LAMA1: variants seen among roughly 807,000 people sequenced by gnomAD.
LAMA1 encodes laminin subunit alpha-1.
Under a neutral mutation model 348.7 loss-of-function variants are expected in LAMA1, and 219 were observed. The ratio of observed to expected loss-of-function variants is 0.63; its 90% CI spans 0.56 to 0.70. LAMA1 has a LOEUF of 0.70. LAMA1 is among the 30% of genes least tolerant of loss of function. LAMA1 has a pLI of 0.00. For missense variants in LAMA1, 3,744 were observed against 3,888.0 expected, an observed-to-expected ratio of 0.96 and a Z score of 0.99; for synonymous variants, 1,487 against 1,491.0, an observed-to-expected ratio of 1.00 and a Z score of 0.06.
intron 37 of LAMA1, 116 bp downstream of exon 37, chr18:6,986,021 G>C (rs1040360140): frequency 1.7e-5 from 19 of 1,133,602 alleles, no homozygotes; most frequent in Non-Finnish European, 2.5e-5. Context: ...GCCTCCCAAA[G>C]TGCTGGGATT....
chr18:7,085,494 C>T (rs2058211985), intron 1 of LAMA1, among the ~76,000 whole-genome samples: 1 of 144,592 alleles, frequency 6.9e-6, no homozygotes, highest in Admixed American at 7.3e-5. Flanking sequence ...TCTCCGCTCA[C>T]TGCAAGCTCC....
intron 1 of LAMA1, among the ~76,000 whole-genome samples, chr18:7,105,205 G>A (rs538546726): frequency 9.2e-5 from 14 of 152,080 alleles, no homozygotes; most frequent in Non-Finnish European, 2.1e-4. Flanking sequence ...TCAAGAGGCC[G>A]AGGCAGGTGG....
At chr18:7,014,643 TAA>T (rs557372322) in intron 22 of LAMA1, among the ~76,000 whole-genome samples, 20 of 134,436 alleles carry the variant, frequency 1.5e-4, no homozygotes, top group Admixed American at 1.5e-4. Flanking sequence ...CTGTCTCAAT[TAA>T]AAAAAAAAAA....
Position 7,036,029 on chromosome 18 carries a change from C to T in LAMA1, c.1797G>A (p.Thr599=), listed in dbSNP as rs143137367. 101 of 1,614,194 alleles carry T rather than the reference C, an allele frequency of 6.3e-5. 1 individual carries two copies. In the African/African-American group the frequency reaches 9.5e-4, roughly 15 times the overall value. The change falls in exon 13 of 63, where the codon ACG becomes ACA. Residue 599 remains threonine (T), a synonymous_variant. Coordinates refer to ENST00000389658, the MANE Select transcript of LAMA1 (RefSeq NM_005559.4). ...CATGCGACATGAGGTTACTGTCTAC[C>T]GTCTCTACCGGAATATCGTAGGACA... is the stretch of plus-strand genomic sequence containing the variant. ...YTVSYDIPVE[T]VDSNLMSHAD...
intron 15 of LAMA1, among the ~76,000 whole-genome samples, chr18:7,032,391 C>A (rs2057974280): frequency 6.6e-6 from 1 of 152,146 alleles, no homozygotes; most frequent in African/African-American, 2.4e-5. Flanking sequence ...TTCCTTATTT[C>A]TTTTTAAAGG....
intron 22 of LAMA1, among the ~76,000 whole-genome samples, chr18:7,014,759 A>C (rs577860827): frequency 6.6e-6 from 1 of 152,342 alleles, no homozygotes; most frequent in Non-Finnish European, 1.5e-5. Flanking sequence ...TAAACCCCCA[A>C]TAAAGTGATT....
chr18:7,045,758 C>T (rs1290989975), intron 6 of LAMA1, among the ~76,000 whole-genome samples: 1 of 151,910 alleles, frequency 6.6e-6, no homozygotes, highest in Non-Finnish European at 1.5e-5. Context: ...GGGGTTTTGC[C>T]ATGTTGGCCA....
chr18:7,004,781 A>C (rs1216147153), intron 29 of LAMA1, among the ~76,000 whole-genome samples: 2 of 152,212 alleles, frequency 1.3e-5, no homozygotes, highest in Non-Finnish European at 2.9e-5. Flanking sequence ...TTAGGAGATT[A>C]TGTTGAAGGG....
chr18:7,024,743 C>G (rs1218243098), intron 17 of LAMA1, among the ~76,000 whole-genome samples: 1 of 152,200 alleles, frequency 6.6e-6, no homozygotes, highest in Non-Finnish European at 1.5e-5. Context: ...CTCTCGCTGT[C>G]TGCCTGGGTT....
At position 7,050,935 on chromosome 18, in the gene LAMA1, A is replaced by C. The variant is rs946418722; in HGVS notation, c.347T>G (p.Val116Gly). Residue 116 changes from valine (V) to glycine (G), a missense_variant and splice_region_variant, in exon 4 of 63, where the codon GTC becomes GGC. By Grantham distance (109) the Val-to-Gly change is moderately radical. This residue lies in a region of LAMA1 where 1,529 missense variants were observed against 1,689.4 expected (regional missense o/e 0.91). Coordinates refer to ENST00000389658, the MANE Select transcript of LAMA1 (RefSeq NM_005559.4). ...WVTITLDLRQ[V>G]FQVAYVIIKA... ...AATGATGACATATGCAACTTGAAAG[A>C]CCTGAAACAAAGACACTGAAAAGTC... 1 of 1,614,096 alleles carries C rather than the reference A, an allele frequency of 6.2e-7. No individual in the cohort carries two copies. The highest frequency in any genetic ancestry group is 8.5e-7 in the Non-Finnish European group (1 of 1,179,996).
rs778967550 is a variant in LAMA1 at position 7,013,880 on chromosome 18, C to A, written c.3298G>T (p.Asp1100Tyr). ...CDCDLRGTSGDACNLEQGLCG... is the reference protein window; with the variant it reads ...CDCDLRGTSGYACNLEQGLCG... ...AGACCCTGCTCCAGGTTGCAGGCGT[C>A]CCCCGACGTCCCCCTCAGGTCACAG... The change falls in exon 23 of 63, where the codon GAC (aspartate) becomes TAC (tyrosine). Residue 1100 changes from aspartate (D) to tyrosine (Y), a missense_variant. Physicochemically the swap from Asp to Tyr is radical, Grantham distance 160. Around this residue, in one of 3 missense-constraint regions of LAMA1, gnomAD observed 1,529 missense variants for 1,689.4 expected, o/e 0.91. Coordinates refer to ENST00000389658, the MANE Select transcript of LAMA1 (RefSeq NM_005559.4). The A allele has an allele frequency of 1.9e-6, 3 of 1,612,324 alleles. No individual in the cohort carries two copies. The highest frequency in any genetic ancestry group is 2.5e-6 in the Non-Finnish European group (3 of 1,179,102).
intron 1 of LAMA1, among the ~76,000 whole-genome samples, chr18:7,089,332 T>C (rs894679113): frequency 1.3e-5 from 2 of 148,620 alleles, no homozygotes; most frequent in African/African-American, 5.0e-5. Flanking sequence ...TGAGCCAAGA[T>C]CGTGCCACTG....
intron 61 of LAMA1, 140 bp downstream of exon 61, chr18:6,947,016 TGTAGCAA>T: frequency 9.4e-7 from 1 of 1,060,148 alleles, no homozygotes; most frequent in African/African-American, 1.6e-5. Context: ...AAGGTTTTCT[TGTAGCAA>T]TATCTGTTTT....
chr18:7,017,089 G>A (rs1182817543), intron 20 of LAMA1, among the ~76,000 whole-genome samples, 189 bp downstream of exon 20: 2 of 152,116 alleles, frequency 1.3e-5, no homozygotes, highest in Admixed American at 6.6e-5. Flanking sequence ...GTTTCCTGAG[G>A]CCTCCCCAAC....
At chr18:6,968,857 A>G (rs2057645612) in intron 48 of LAMA1, among the ~76,000 whole-genome samples, 1 of 152,252 alleles carries the variant, frequency 6.6e-6, no homozygotes, top group Admixed American at 6.5e-5. Flanking sequence ...AAAAATTTAG[A>G]GGACATCGAT....
intron 19 of LAMA1, among the ~76,000 whole-genome samples, chr18:7,022,905 A>T (rs1269076496): frequency 1.3e-5 from 2 of 152,134 alleles, no homozygotes; most frequent in Non-Finnish European, 2.9e-5. Context: ...GTCAAGTCAC[A>T]CTGGCCGCTC....
At chr18:7,048,143 A>G (rs1470874197) in intron 5 of LAMA1, among the ~76,000 whole-genome samples, 1 of 152,228 alleles carries the variant, frequency 6.6e-6, no homozygotes, top group African/African-American at 2.4e-5. Flanking sequence ...TTCGTATACA[A>G]AATATATAAA....
At chr18:6,980,418 G>T in intron 42 of LAMA1, 103 bp downstream of exon 42, 1 of 824,112 alleles carries the variant, frequency 1.2e-6, no homozygotes, top group Non-Finnish European at 2.1e-6. Context: ...TCATTTTTGA[G>T]CTAAAGCCTT....
chr18:7,010,134 C>T, intron 26 of LAMA1, 66 bp downstream of exon 26: 2 of 1,573,388 alleles, frequency 1.3e-6, no homozygotes, highest in Non-Finnish European at 1.7e-6. Context: ...TGGCTTTCAT[C>T]TTTCACTACA....
Sources: allele counts gnomAD v4.1 joint callset (sites outside exome capture counted in the v4.1 genomes callset), GRCh38; gene constraint gnomAD v4.1.1; regional missense constraint gnomAD v4.1.1; transcripts MANE v1.5; gene names NCBI Gene and HGNC (gene_info 2026-07-23, HGNC 2026-07-21).